Variants in INO80E observed in about 807,000 individuals in gnomAD.
The protein encoded by INO80E is INO80 complex subunit E.
A neutral mutation model predicts 27.3 loss-of-function variants in INO80E; 20 were observed. The ratio of observed to expected loss-of-function variants is 0.73; its 90% CI spans 0.51 to 1.06. The LOEUF (loss-of-function observed/expected upper bound fraction) is 1.06, where lower values mean the gene tolerates loss of function less well. Among genes scored for constraint, INO80E ranks in the 50% least tolerant of loss-of-function variants. The pLI, the probability that INO80E is intolerant of heterozygous loss-of-function variation, is 0.00. For missense variants in INO80E, 357 were observed against 322.8 expected, an observed-to-expected ratio of 1.11 and a Z score of -0.81; for synonymous variants, 167 against 145.9, an observed-to-expected ratio of 1.14 and a Z score of -1.04.
intron 3 of INO80E, among the ~76,000 whole-genome samples, chr16:29,997,333 C>A (rs901783312): frequency 2.0e-5 from 3 of 152,100 alleles, no homozygotes; most frequent in African/African-American, 4.8e-5. Flanking sequence ...CAGCCGTACC[C>A]CATAGGCAAA....
At chr16:30,001,321 T>A (rs2070343718) in intron 5 of INO80E, 93 bp from the exon 6 acceptor site, 3 of 1,506,662 alleles carry the variant, frequency 2.0e-6, no homozygotes, top group Admixed American at 2.1e-5. Flanking sequence ...ACCATCTCTT[T>A]TGTTTTTCCA....
chr16:30,005,385 T>C lies in INO80E; in HGVS notation c.678T>C (p.Gly226=), dbSNP rs1017833501. 1.4e-6 allele frequency: 2 copies of C among 1,400,564 alleles called. No homozygotes were observed. Among genetic ancestry groups the C allele is most frequent in the South Asian group, 1.2e-5 (1 of 86,348 alleles). 86.8% of individuals were successfully genotyped at this position (1,400,564 alleles called of 1,614,324 possible). Reference sequence around the variant, plus strand: ...CTCGGCAGATGTTCAGCGATGCAGGTAGCGGGGACGATGCCTTGGATGGAG... The same window carrying C: ...CTCGGCAGATGTTCAGCGATGCAGGCAGCGGGGACGATGCCTTGGATGGAG... ...TVPRQMFSDA[G]SGDDALDGDD... Residue 226 remains glycine (G), a synonymous_variant, in exon 7 of 7, where the codon GGT becomes GGC. Transcript: ENST00000563197.
rs1471146464 is a variant in INO80E, at chr16:30,000,813, G to A, written c.261G>A (p.Leu87=). The A allele has an allele frequency of 1.2e-6, 2 of 1,614,196 alleles. No homozygotes were observed. The highest frequency in any genetic ancestry group is 2.2e-5 in the East Asian group (1 of 44,886). The part of the protein sequence containing the change: ...DNSETEGTPK[L]SDTPAPKRKR... ...GCGAGACGGAGGGGACACCCAAGTTGTCTGACACACCGGCCCCTAAGAGGT... is the reference window on the plus strand; with the variant it reads ...GCGAGACGGAGGGGACACCCAAGTTATCTGACACACCGGCCCCTAAGAGGT... The change falls in exon 4 of 7, where the codon TTG becomes TTA. Residue 87 remains leucine, a synonymous_variant. Transcript: ENST00000563197.
At chr16:29,998,184 G>C (rs1045302021) in intron 3 of INO80E, among the ~76,000 whole-genome samples, 2 of 151,980 alleles carry the variant, frequency 1.3e-5, no homozygotes, top group Non-Finnish European at 2.9e-5. Flanking sequence ...CCAGTTACTC[G>C]GGAGGCTGAG....
At chr16:30,000,678 C>T in intron 3 of INO80E, 80 bp from the exon 4 acceptor site, 1 of 1,174,772 alleles carries the variant, frequency 8.5e-7, no homozygotes, top group Non-Finnish European at 1.3e-6. Flanking sequence ...CAGTGCCCTT[C>T]TGTAGTGTAG....
In INO80E at chr16:30,003,530, G is replaced by A. The variant is rs949868737; in HGVS notation, c.514-1691G>A. On this transcript the variant is annotated intron_variant, in intron 6 of 6. Transcript: ENST00000563197. The surrounding 1 kb of genome is among the most constrained non-coding windows in gnomAD (Gnocchi z 4.4). ...ATAGCTGTGAAGACAGAAGCAGGTT[G>A]GTTCTGTCAGGCCTGAGTTGGACTT... 6.6e-6 allele frequency: 1 copy of A among 152,170 alleles called. No individual in the cohort carries two copies. Among genetic ancestry groups the A allele is most frequent in the Non-Finnish European group, 1.5e-5 (1 of 68,056 alleles). 9.4% of individuals were successfully genotyped at this position (152,170 alleles called of 1,614,324 possible). A position where few individuals can be genotyped will look rare whatever the true frequency, so the allele number is the denominator to read the frequency against.
chr16:29,997,306 C>T (rs2070166291), intron 3 of INO80E, among the ~76,000 whole-genome samples: 1 of 152,150 alleles, frequency 6.6e-6, no homozygotes, highest in African/African-American at 2.4e-5. Context: ...ACCTACTGAA[C>T]TCTGCCATTG....
At chr16:30,001,305 C>G in intron 5 of INO80E, 109 bp from the exon 6 acceptor site, 3 of 1,501,968 alleles carry the variant, frequency 2.0e-6, no homozygotes, top group African/African-American at 1.4e-5. Flanking sequence ...GGGAGCCGCA[C>G]TCATCACCAT....
chr16:30,001,436 C>A lies in INO80E; in HGVS notation c.419C>A (p.Pro140Gln), dbSNP rs754493408. ...CAGCTGGCCTCCTCCCGCTACCCCC[C>A]ATTCCCTTCTGACTACCTGGCCCTG... ...LSSLASSRYP[P>Q]FPSDYLALQL... Residue 140 changes from proline (P) to glutamine (Q), a missense_variant, in exon 6 of 7, where the codon CCA becomes CAA. Pro to Gln is a moderately conservative substitution (Grantham distance 76). Coordinates refer to ENST00000563197, the MANE Select transcript of INO80E (RefSeq NM_173618.3). The A allele has an allele frequency of 1.9e-6, 3 of 1,610,364 alleles. No homozygotes were observed. Among genetic ancestry groups the A allele is most frequent in the African/African-American group, 1.3e-5 (1 of 74,962 alleles).
intron 3 of INO80E, among the ~76,000 whole-genome samples, chr16:29,997,367 A>G (rs892855518): frequency 3.5e-4 from 53 of 152,182 alleles, no homozygotes; most frequent in African/African-American, 1.2e-3. Context: ...CTATGTTTCT[A>G]TAAAACTTTA....
At chr16:30,000,217 C>T (rs778825614) in intron 3 of INO80E, among the ~76,000 whole-genome samples, 6 of 151,682 alleles carry the variant, frequency 4.0e-5, no homozygotes, top group Admixed American at 2.0e-4. Flanking sequence ...CCTGGCCATG[C>T]GTGGCAGGTG....
In INO80E at chr16:29,996,297, C is replaced by T. The variant is rs2070106226; in HGVS notation, c.-14C>T. On this transcript the variant is annotated 5_prime_UTR_variant, in exon 1 of 7. Coordinates refer to ENST00000563197, the MANE Select transcript of INO80E (RefSeq NM_173618.3). ...GCGGGAGGGCAGACTCTGGGCGCCA[C>T]TCCCGGGCCGGTCATGAACGGGCCG... The T allele has an allele frequency of 6.3e-7, 1 of 1,580,994 alleles. No individual in the cohort carries two copies. The highest frequency in any genetic ancestry group is 8.6e-7 in the Non-Finnish European group (1 of 1,163,680).
intron 3 of INO80E, 55 bp from the exon 4 acceptor site, chr16:30,000,703 T>C (rs2070314555): frequency 1.4e-6 from 2 of 1,474,042 alleles, no homozygotes; most frequent in African/African-American, 2.8e-5. Context: ...GGTTATACCT[T>C]TCTGGGATGG....
intron 3 of INO80E, chr16:29,999,136 A>T (rs565741400): frequency 6.6e-6 from 1 of 152,216 alleles, no homozygotes; most frequent in African/African-American, 2.4e-5. Context: ...AGAACGCATG[A>T]TACCCATTTG....
At chr16:29,997,859 G>A (rs933774120) in intron 3 of INO80E, among the ~76,000 whole-genome samples, 1 of 151,790 alleles carries the variant, frequency 6.6e-6, no homozygotes, top group African/African-American at 2.4e-5. Context: ...AGTGACATTT[G>A]AGTTGGGACC....
In INO80E at chr16:30,005,552, C is replaced by T; in HGVS notation, c.*110C>T. ...TTTATTGATGCCCAGCTGCCATGCTCCGGCCACTGACACAACCAGAAAAGG... is the reference window on the plus strand; with the variant it reads ...TTTATTGATGCCCAGCTGCCATGCTTCGGCCACTGACACAACCAGAAAAGG... On this transcript the variant is annotated 3_prime_UTR_variant, in exon 7 of 7. Coordinates refer to ENST00000563197, the MANE Select transcript of INO80E (RefSeq NM_173618.3). 1.9e-6 allele frequency: 2 copies of T among 1,056,276 alleles called. No homozygotes were observed. Among genetic ancestry groups the T allele is most frequent in the Non-Finnish European group, 2.8e-6 (2 of 715,774 alleles). The allele number at this position is 1,056,276 out of a possible 1,614,324, so 65.4% of individuals were successfully genotyped here. A position where few individuals can be genotyped will look rare whatever the true frequency, so the allele number is the denominator to read the frequency against.
chr16:30,001,755 G>T, intron 6 of INO80E: 1 of 510,778 alleles, frequency 2.0e-6, no homozygotes, highest in Non-Finnish European at 3.5e-6. Context: ...AGATGCCAGG[G>T]ATCCCGCCCT....
At chr16:29,996,513 C>G (rs544664924) in intron 1 of INO80E, 34 bp from the exon 2 acceptor site, 6 of 1,554,588 alleles carry the variant, frequency 3.9e-6, no homozygotes, top group Non-Finnish European at 4.4e-6. Context: ...CACGGAGGAC[C>G]GTTGGCCCAG....
chr16:30,005,574 A>C lies in INO80E; in HGVS notation c.*132A>C. 1.1e-6 allele frequency: 1 copy of C among 900,714 alleles called. No individual in the cohort carries two copies. The highest frequency in any genetic ancestry group is 1.7e-6 in the Non-Finnish European group (1 of 580,616). The allele number at this position is 900,714 out of a possible 1,614,324, so 55.8% of individuals were successfully genotyped here. A position where few individuals can be genotyped will look rare whatever the true frequency, so the allele number is the denominator to read the frequency against. On this transcript the variant is annotated 3_prime_UTR_variant, in exon 7 of 7. Transcript: ENST00000563197. ...GCTCCGGCCACTGACACAACCAGAA[A>C]AGGCGTAAACATGCACGGGTGTCCC...
Sources: gnomAD v4.1 joint callset for allele counts (sites outside exome capture counted in the v4.1 genomes callset) on GRCh38, gnomAD v4.1.1 for gene constraint, Gnocchi (gnomAD v3.1) non-coding constraint, MANE v1.5 for transcripts, NCBI Gene and HGNC (gene_info 2026-07-23, HGNC 2026-07-21) for gene names.